Variants in C20orf202 observed in about 807,000 individuals in gnomAD.
C20orf202 encodes uncharacterized protein C20orf202.
A neutral mutation model predicts 5.3 loss-of-function variants in C20orf202; 5 were observed. The ratio of observed to expected loss-of-function variants is 0.94; its 90% confidence interval spans 0.49 to 1.98. The LOEUF (loss-of-function observed/expected upper bound fraction) is 1.98, where lower values mean the gene tolerates loss of function less well. Among genes scored for constraint, C20orf202 ranks in the 30% most tolerant of loss-of-function variants. C20orf202 has a pLI of 0.01. For synonymous variants in C20orf202, 48 were observed against 50.0 expected (o/e 0.96, Z 0.16); for missense variants, 135 against 123.5 (o/e 1.09, Z -0.44).
rs2087134590 is a variant in C20orf202 at position 1,206,982 on chromosome 20, A to T, written c.180A>T (p.Gly60=). 6.4e-6 allele frequency: 10 copies of T among 1,551,572 alleles called. No individual in the cohort carries two copies. The South Asian group carries it at 1.2e-4, about 18-fold the overall frequency. Residue 60 remains glycine (G), a synonymous_variant, in exon 2 of 2, where the codon GGA becomes GGT. Transcript: ENST00000400633. ...SAHWEDARSS[G]GTSPIRARAG... ...ACTGGGAGGACGCCAGGTCCAGCGGAGGGACATCCCCCATCAGAGCTCGAG... is the reference window on the plus strand; with the variant it reads ...ACTGGGAGGACGCCAGGTCCAGCGGTGGGACATCCCCCATCAGAGCTCGAG...
chr20:1,203,749 G>A, intron 1 of C20orf202, 98 bp downstream of exon 1: 1 of 1,377,916 alleles, frequency 7.3e-7, no homozygotes, highest in Middle Eastern at 2.6e-4. Context: ...AGAGGCTGCA[G>A]GCTACGGTAT....
Position 1,208,891 on chromosome 20 carries a change from G to A in C20orf202, c.*1789G>A, listed in dbSNP as rs2087144065. 6.6e-6 allele frequency among the ~76,000 whole-genome samples: 1 copy of A among 152,088 alleles called. No individual in the cohort carries two copies. The highest frequency in any genetic ancestry group is 2.1e-4 in the South Asian group (1 of 4,820). The stretch of plus-strand genomic sequence containing the variant: ...TCAGATAGCTGAATTTAAACTCCAG[G>A]GAATTCCTCCTGTAAGTTTTAAAGT... On this transcript the variant is annotated 3_prime_UTR_variant, in exon 2 of 2. Transcript: ENST00000400633.
At chr20:1,204,912 C>G (rs928665569) in intron 1 of C20orf202, among the ~76,000 whole-genome samples, 2 of 152,194 alleles carry the variant, frequency 1.3e-5, no homozygotes, top group African/African-American at 4.8e-5. Flanking sequence ...CACCTCCGTG[C>G]TGGGAACCCC....
intron 1 of C20orf202, among the ~76,000 whole-genome samples, chr20:1,206,666 C>T (rs950612873): frequency 6.6e-6 from 1 of 152,262 alleles, no homozygotes; most frequent in Non-Finnish European, 1.5e-5. Flanking sequence ...CAAATTCATT[C>T]AGTCCTCATG....
At chr20:1,204,372 T>A (rs1030913652) in intron 1 of C20orf202, among the ~76,000 whole-genome samples, 1 of 152,104 alleles carries the variant, frequency 6.6e-6, no homozygotes, top group Non-Finnish European at 1.5e-5. Context: ...GAACTGCACA[T>A]TGGGGGAGAG....
rs1216037635 is a variant in C20orf202 at position 1,203,558 on chromosome 20, T to A, written c.-28T>A. ...TCCCTCGGGCCCAGAACCAGGTCAG[T>A]GTCAAGGTCACTCCTAAGAACACTG... On this transcript the variant is annotated 5_prime_UTR_variant, in exon 1 of 2. Coordinates refer to ENST00000400633, the MANE Select transcript of C20orf202 (RefSeq NM_001394958.1). The A allele has an allele frequency of 1.3e-6, 2 of 1,551,444 alleles. No individual in the cohort carries two copies. The highest frequency in any genetic ancestry group is 1.7e-6 in the Non-Finnish European group (2 of 1,146,934).
Position 1,206,926 on chromosome 20 carries a change from G to A in C20orf202, c.124G>A (p.Val42Ile), listed in dbSNP as rs979959180. 1.3e-6 allele frequency: 2 copies of A among 1,551,596 alleles called. No homozygotes were observed. Among genetic ancestry groups the A allele is most frequent in the Admixed American group, 3.9e-5 (2 of 51,010 alleles). ...GCTCACACTGAGGCATCTTCACAGT[G>A]TCCTGGAGGAGCTGCGTGCGGACAG... ...LLLTLRHLHS[V>I]LEELRADSAH... The change falls in exon 2 of 2, where the codon GTC becomes ATC. Residue 42 changes from valine to isoleucine, a missense_variant. By Grantham distance (29) the Val-to-Ile change is conservative. Coordinates refer to ENST00000400633, the MANE Select transcript of C20orf202 (RefSeq NM_001394958.1).
intron 1 of C20orf202, among the ~76,000 whole-genome samples, chr20:1,204,596 C>A (rs573556338): frequency 4.6e-5 from 7 of 152,344 alleles, no homozygotes; most frequent in African/African-American, 1.7e-4. Context: ...GGACACCAGC[C>A]AGGAGAGAGG....
At position 1,207,765 on chromosome 20, in the gene C20orf202, T is replaced by A. The variant is rs1045519750; in HGVS notation, c.*663T>A. The A allele has an allele frequency of 6.6e-6, 1 of 152,216 alleles. No individual in the cohort carries two copies. Among genetic ancestry groups the A allele is most frequent in the Non-Finnish European group, 1.5e-5 (1 of 68,058 alleles). The allele number at this position is 152,216 out of a possible 1,614,324, so 9.4% of individuals were successfully genotyped here. On this transcript the variant is annotated 3_prime_UTR_variant, in exon 2 of 2. Coordinates refer to ENST00000400633, the MANE Select transcript of C20orf202 (RefSeq NM_001394958.1). ...CTCAGGCTGAGGCTGCTGGTGGCCA[T>A]GTTCCTACCAGGTAAAGAAGACCTG...
In C20orf202 at chr20:1,205,154, G is replaced by A. The variant is rs148320578; in HGVS notation, c.66+1503G>A. Reference sequence around the variant, plus strand: ...GAAGCCTCACTCTGTCGCCCAGGCTGGAGTGTAGTGGCACGATCTCGGCTC... The same window carrying A: ...GAAGCCTCACTCTGTCGCCCAGGCTAGAGTGTAGTGGCACGATCTCGGCTC... On this transcript the variant is annotated intron_variant, in intron 1 of 1. Transcript: ENST00000400633. Among the ~76,000 whole-genome samples the A allele has an allele frequency of 4.4e-3, 654 of 149,278 alleles. 1 individual carries two copies. The highest frequency in any genetic ancestry group is 0.015 in the African/African-American group (616 of 40,392).
chr20:1,204,184 A>C (rs959160275), intron 1 of C20orf202, among the ~76,000 whole-genome samples: 1 of 152,120 alleles, frequency 6.6e-6, no homozygotes, highest in African/African-American at 2.4e-5. Context: ...CTTTATTTGG[A>C]AGTACAAGCC....
rs2087143244 is a variant in C20orf202 at position 1,208,678 on chromosome 20, A to G, written c.*1576A>G. Among the ~76,000 whole-genome samples, 1 of 152,190 alleles carries G rather than the reference A, an allele frequency of 6.6e-6. No individual in the cohort carries two copies. Among genetic ancestry groups the G allele is most frequent in the African/African-American group, 2.4e-5 (1 of 41,458 alleles). On this transcript the variant is annotated 3_prime_UTR_variant, in exon 2 of 2. Coordinates refer to ENST00000400633, the MANE Select transcript of C20orf202 (RefSeq NM_001394958.1). ...GCAATGTTTCTTCACAACAGGCAGC[A>G]ATTCCTTCATGAAGCACCAGACTTC...
intron 1 of C20orf202, 69 bp from the exon 2 acceptor site, chr20:1,206,800 G>C: frequency 9.0e-7 from 1 of 1,106,206 alleles, no homozygotes; most frequent in Non-Finnish European, 1.3e-6. Context: ...GAGACAGCGA[G>C]GGAAGGGGCT....
At position 1,208,412 on chromosome 20, in the gene C20orf202, G is replaced by A. The variant is rs936838199; in HGVS notation, c.*1310G>A. The A allele has an allele frequency of 6.6e-6, 1 of 152,164 alleles. No individual in the cohort carries two copies. Among genetic ancestry groups the A allele is most frequent in the Non-Finnish European group, 1.5e-5 (1 of 68,034 alleles). The allele number at this position is 152,164 out of a possible 1,614,324, so 9.4% of individuals were successfully genotyped here. A position where few individuals can be genotyped will look rare whatever the true frequency, so the allele number is the denominator to read the frequency against. On this transcript the variant is annotated 3_prime_UTR_variant, in exon 2 of 2. Coordinates refer to ENST00000400633, the MANE Select transcript of C20orf202 (RefSeq NM_001394958.1). ...GGAGGGGGTGCATTATAAGTATAAT[G>A]TTTGTAGTCAGATCAACCTGTGATT...
At chr20:1,205,690 G>A (rs954850896) in intron 1 of C20orf202, among the ~76,000 whole-genome samples, 21 of 152,180 alleles carry the variant, frequency 1.4e-4, no homozygotes, top group Non-Finnish European at 2.6e-4. Flanking sequence ...TGAGTTGAGG[G>A]ATAAAGTGAG....
rs545652313 is a variant in C20orf202, at chr20:1,204,610, C to T, written c.66+959C>T. Among the ~76,000 whole-genome samples, 168 of 152,356 alleles carry T rather than the reference C, an allele frequency of 1.1e-3. 1 individual carries two copies. Among genetic ancestry groups the T allele is most frequent in the Non-Finnish European group, 2.1e-3 (140 of 68,040 alleles). On this transcript the variant is annotated intron_variant, in intron 1 of 1. Coordinates refer to ENST00000400633, the MANE Select transcript of C20orf202 (RefSeq NM_001394958.1). ...GGGACACCAGCCAGGAGAGAGGAGG[C>T]AGCTCAGGGAACCTCAGAAGAGGTT... is the stretch of plus-strand genomic sequence containing the variant.
In C20orf202 at chr20:1,207,930, T is replaced by G. The variant is rs963795467; in HGVS notation, c.*828T>G. ...AGTTTTGTGAGTTACTCCTGCATTC[T>G]TTCCAGGGACCGAAGCCAGTCAATT... is the stretch of plus-strand genomic sequence containing the variant. On this transcript the variant is annotated 3_prime_UTR_variant, in exon 2 of 2. Coordinates refer to ENST00000400633, the MANE Select transcript of C20orf202 (RefSeq NM_001394958.1). 1 of 151,996 alleles carries G rather than the reference T, an allele frequency of 6.6e-6. No homozygotes were observed. The allele number at this position is 151,996 out of a possible 1,614,324, so 9.4% of individuals were successfully genotyped here. A position where few individuals can be genotyped will look rare whatever the true frequency, so the allele number is the denominator to read the frequency against.
intron 1 of C20orf202, among the ~76,000 whole-genome samples, chr20:1,203,994 C>G (rs1191256457): frequency 6.6e-6 from 1 of 152,048 alleles, no homozygotes; most frequent in African/African-American, 2.4e-5. Flanking sequence ...ACAATAGTAC[C>G]AATATCATAT....
chr20:1,205,206 A>G (rs1404644634), intron 1 of C20orf202, among the ~76,000 whole-genome samples: 1 of 151,678 alleles, frequency 6.6e-6, no homozygotes. Context: ...CCTGGGTTCA[A>G]GTGATTCCCC....
Sources: allele counts gnomAD v4.1 joint callset (sites outside exome capture counted in the v4.1 genomes callset), GRCh38; gene constraint gnomAD v4.1.1; transcripts MANE v1.5; gene names NCBI Gene and HGNC (gene_info 2026-07-23, HGNC 2026-07-21).